The following LUC7L2 variants were observed in gnomAD, a reference collection of about 807,000 sequenced individuals.
LUC7L2 encodes the protein LUC7 like 2, pre-mRNA splicing factor.
Under a neutral mutation model 52.8 loss-of-function variants are expected in LUC7L2, and 25 were observed. The ratio of observed to expected loss-of-function variants is 0.47; its 90% confidence interval spans 0.34 to 0.66. The LOEUF is 0.66. LUC7L2 is among the 30% of genes least tolerant of loss of function. LUC7L2 has a pLI of 0.01. For missense variants in LUC7L2, 328 were observed against 497.8 expected, an observed-to-expected ratio of 0.66 and a Z score of 3.25; for synonymous variants, 144 against 160.9, an observed-to-expected ratio of 0.89 and a Z score of 0.80.
chr7:139,415,924 CTGTATT>C (rs1176085245), intron 8 of LUC7L2, among the ~76,000 whole-genome samples: 6 of 151,394 alleles, frequency 4.0e-5, no homozygotes, highest in African/African-American at 1.4e-4. Flanking sequence ...TGAAGATAAA[CTGTATT>C]TGTAAACTAT....
chr7:139,369,437 A>G (rs893730143), intron 1 of LUC7L2, among the ~76,000 whole-genome samples: 1 of 152,156 alleles, frequency 6.6e-6, no homozygotes, highest in African/African-American at 2.4e-5. Context: ...CCCCCAAAAC[A>G]TGATAGCATT....
intron 2 of LUC7L2, among the ~76,000 whole-genome samples, chr7:139,389,193 A>G (rs1585104839): frequency 1.3e-5 from 2 of 151,642 alleles, no homozygotes. Context: ...CTTCTGGTCA[A>G]TCCATCTAGT....
At chr7:139,377,213 A>AT (rs1234757601) in intron 2 of LUC7L2, among the ~76,000 whole-genome samples, 4 of 151,982 alleles carry the variant, frequency 2.6e-5, no homozygotes, top group Non-Finnish European at 5.9e-5. Flanking sequence ...TTATTTATTT[A>AT]TTTTTTCTGA....
At chr7:139,390,861 A>G (rs2131257799) in intron 2 of LUC7L2, among the ~76,000 whole-genome samples, 1 of 152,236 alleles carries the variant, frequency 6.6e-6, no homozygotes, top group South Asian at 2.1e-4. Flanking sequence ...GGGCCTAGAC[A>G]ATGTAGTTTT....
intron 1 of LUC7L2, among the ~76,000 whole-genome samples, chr7:139,368,274 T>C (rs1133066): frequency 0.11 from 16,571 of 152,146 alleles, 2,531 homozygotes; most frequent in African/African-American, 0.35. Flanking sequence ...TGACCAAAAA[T>C]CTAATGGGAA....
intron 2 of LUC7L2, among the ~76,000 whole-genome samples, chr7:139,381,077 T>C (rs144751398): frequency 9.8e-4 from 149 of 152,280 alleles, no homozygotes; most frequent in Non-Finnish European, 1.9e-3. Context: ...GGCCCTCATA[T>C]CTTCTAGTGT....
At chr7:139,404,720 G>A (rs903431879) in intron 4 of LUC7L2, among the ~76,000 whole-genome samples, 1 of 152,206 alleles carries the variant, frequency 6.6e-6, no homozygotes, top group African/African-American at 2.4e-5. Flanking sequence ...CTGGTGGAAA[G>A]CTAAGGACTC....
intron 2 of LUC7L2, among the ~76,000 whole-genome samples, chr7:139,377,412 C>T (rs1389781417): frequency 6.6e-6 from 1 of 151,610 alleles, no homozygotes; most frequent in Non-Finnish European, 1.5e-5. Flanking sequence ...TATTTTGAGA[C>T]GGAGTCTTGC....
At chr7:139,412,505 CTTAT>C (rs768825612) in intron 7 of LUC7L2, 42 bp from the exon 8 acceptor site, 9 of 1,564,402 alleles carry the variant, frequency 5.8e-6, no homozygotes, top group Middle Eastern at 1.7e-4. Context: ...GCACTGTTTT[CTTAT>C]TTATAGCCAC....
intron 2 of LUC7L2, 21 bp from the exon 3 acceptor site, chr7:139,398,573 AATATT>A (rs1481159167): frequency 6.4e-7 from 1 of 1,566,914 alleles, no homozygotes; most frequent in Non-Finnish European, 8.6e-7. Context: ...TTTTTGTTTT[AATATT>A]ATGTCTTTTT....
At chr7:139,421,647 G>A (rs140719702) in intron 9 of LUC7L2, among the ~76,000 whole-genome samples, 1 of 152,232 alleles carries the variant, frequency 6.6e-6, no homozygotes, top group African/African-American at 2.4e-5. Context: ...TCAGGTGTTG[G>A]CAAACTGTTG....
chr7:139,385,813 C>G (rs756347382), intron 2 of LUC7L2, among the ~76,000 whole-genome samples: 1 of 152,126 alleles, frequency 6.6e-6, no homozygotes, highest in Non-Finnish European at 1.5e-5. Flanking sequence ...GAATTATTCT[C>G]TTAGTATTTC....
At chr7:139,350,344 A>G (rs558869566) in intron 1 of LUC7L2, among the ~76,000 whole-genome samples, 49 of 152,120 alleles carry the variant, frequency 3.2e-4, no homozygotes, top group African/African-American at 1.1e-3. Flanking sequence ...GATGGTCTCC[A>G]TCTCCTGACC....
At chr7:139,385,855 T>C (rs778032095) in intron 2 of LUC7L2, among the ~76,000 whole-genome samples, 8 of 152,234 alleles carry the variant, frequency 5.3e-5, no homozygotes, top group Non-Finnish European at 1.5e-5. Context: ...TAGAGATAAG[T>C]AGTTTTATCA....
chr7:139,352,709 G>C (rs1585064660), intron 1 of LUC7L2, among the ~76,000 whole-genome samples: 2 of 152,220 alleles, frequency 1.3e-5, no homozygotes, highest in East Asian at 3.9e-4. Context: ...TCCTTGTCTG[G>C]TTAAGTGTTA....
At chr7:139,390,769 G>A (rs934416120) in intron 2 of LUC7L2, among the ~76,000 whole-genome samples, 2 of 151,542 alleles carry the variant, frequency 1.3e-5, no homozygotes, top group African/African-American at 4.9e-5. Context: ...TGTTAGCCAG[G>A]ATGGTCTCGA....
upstream of LUC7L2, chr7:139,359,885 A>G (rs142645032): frequency 7.8e-4 from 325 of 414,366 alleles, no homozygotes; most frequent in African/African-American, 5.8e-3. Context: ...GAGCGCGAGG[A>G]GCGTGCGCGC....
At chr7:139,348,580 T>G (rs7776677) in intron 1 of LUC7L2, among the ~76,000 whole-genome samples, 58,696 of 151,412 alleles carry the variant, frequency 0.39, 15,796 homozygotes, top group African/African-American at 0.77. Flanking sequence ...TTAGCTGGAC[T>G]TAGTGGTGTG....
At chr7:139,349,030 A>C (rs80201929) in intron 1 of LUC7L2, among the ~76,000 whole-genome samples, 1 of 127,612 alleles carries the variant, frequency 7.8e-6, no homozygotes, top group Admixed American at 7.4e-5. Context: ...GACACACGCA[A>C]GTAATCCCAG....
Sources: allele counts gnomAD v4.1 joint callset (sites outside exome capture counted in the v4.1 genomes callset), GRCh38; gene constraint gnomAD v4.1.1; transcripts MANE v1.5; gene names NCBI Gene and HGNC (gene_info 2026-07-23, HGNC 2026-07-21).